The following DLG2 variants were observed in gnomAD, a reference collection of about 807,000 sequenced individuals.
DLG2 encodes the protein disks large homolog 2.
In DLG2, 45 loss-of-function variants were observed where a neutral mutation model predicts 132.5. The observed-to-expected ratio is 0.34, with a 90% CI of 0.27 to 0.44. The LOEUF is 0.44. Ranked by LOEUF, DLG2 falls within the 20% of genes least tolerant of loss-of-function variation. The probability of loss-of-function intolerance (pLI) is 1.00; values close to 1 mark genes in which losing one functional copy is unlikely to be tolerated. For missense variants in DLG2, 1,045 were observed against 1,196.9 expected, an observed-to-expected ratio of 0.87 and a Z score of 1.87; for synonymous variants, 424 against 419.6, an observed-to-expected ratio of 1.01 and a Z score of -0.13.
chr11:84,624,703 T>C (rs984312442), intron 6 of DLG2, among the ~76,000 whole-genome samples: 4 of 151,406 alleles, frequency 2.6e-5, no homozygotes, highest in Non-Finnish European at 4.4e-5. Flanking sequence ...CTTTTATTGG[T>C]CCTCAGCATT....
At chr11:83,837,998 C>G (rs373594015) in intron 16 of DLG2, among the ~76,000 whole-genome samples, 3 of 152,096 alleles carry the variant, frequency 2.0e-5, no homozygotes, top group East Asian at 3.9e-4. Flanking sequence ...AATAAACACA[C>G]GTATAGACAT....
intron 18 of DLG2, chr11:83,786,400 C>T (rs766727374): frequency 1.1e-4 from 34 of 315,232 alleles, no homozygotes; most frequent in South Asian, 1.8e-4. Flanking sequence ...CATTGGTGAC[C>T]GAAAGTGTGT....
intron 15 of DLG2, among the ~76,000 whole-genome samples, chr11:83,887,322 T>C (rs1037349302): frequency 2.0e-5 from 3 of 151,860 alleles, no homozygotes; most frequent in Non-Finnish European, 2.9e-5. Flanking sequence ...TACAAACACC[T>C]CTACGCAAAT....
At chr11:83,469,944 A>G (rs1012613053) in intron 24 of DLG2, among the ~76,000 whole-genome samples, 2 of 152,194 alleles carry the variant, frequency 1.3e-5, no homozygotes, top group Non-Finnish European at 2.9e-5. Context: ...AGATAGGACT[A>G]AAAATCAGCA....
intron 7 of DLG2, among the ~76,000 whole-genome samples, chr11:84,467,127 T>C (rs1215954731): frequency 6.6e-6 from 1 of 151,340 alleles, no homozygotes; most frequent in Non-Finnish European, 1.5e-5. Flanking sequence ...AGCTAGGACA[T>C]CTTGTGAAAT....
At chr11:84,612,035 T>A (rs1284186679) in intron 6 of DLG2, among the ~76,000 whole-genome samples, 2 of 152,196 alleles carry the variant, frequency 1.3e-5, no homozygotes, top group African/African-American at 4.8e-5. Flanking sequence ...ACCATTAGTT[T>A]AATCAAGATA....
At chr11:84,514,403 C>T (rs1293398996) in intron 7 of DLG2, among the ~76,000 whole-genome samples, 1 of 152,018 alleles carries the variant, frequency 6.6e-6, no homozygotes, top group African/African-American at 2.4e-5. Flanking sequence ...CATATTGTTG[C>T]AGCACTGTTT....
At chr11:84,313,056 C>G (rs931160291) in intron 7 of DLG2, among the ~76,000 whole-genome samples, 1 of 152,066 alleles carries the variant, frequency 6.6e-6, no homozygotes, top group African/African-American at 2.4e-5. Context: ...CTGATCCACC[C>G]GCCTCAGCTC....
At chr11:84,545,516 T>A (rs1311159444) in intron 6 of DLG2, 1 of 402,296 alleles carries the variant, frequency 2.5e-6, no homozygotes, top group Non-Finnish European at 4.8e-6. Context: ...TTTGGCTCAA[T>A]GAAGCACTAG....
chr11:83,723,242 T>A (rs1041255253), intron 18 of DLG2, among the ~76,000 whole-genome samples: 2 of 152,006 alleles, frequency 1.3e-5, no homozygotes, highest in Non-Finnish European at 2.9e-5. Context: ...TAGCTGGGCA[T>A]GGGGGCGGGC....
Position 84,098,344 on chromosome 11 carries a change from G to A in DLG2, c.749+579C>T, listed in dbSNP as rs115847573. 1.9e-3 allele frequency among the ~76,000 whole-genome samples: 284 copies of A among 152,176 alleles called. 2 individuals carry two copies. Among genetic ancestry groups the A allele is most frequent in the African/African-American group, 6.7e-3 (278 of 41,530 alleles). ...GTGAGCCACTGAGCCAGGCCATCCTGTGCTCTTCATCCAGATGAAGCTGCT... is the reference window on the plus strand; with the variant it reads ...GTGAGCCACTGAGCCAGGCCATCCTATGCTCTTCATCCAGATGAAGCTGCT... On this transcript the variant is annotated intron_variant, in intron 10 of 27. Transcript: ENST00000376104.
intron 3 of DLG2, among the ~76,000 whole-genome samples, chr11:85,470,631 G>C (rs118030265): frequency 0.018 from 2,757 of 152,274 alleles, 51 homozygotes; most frequent in Admixed American, 0.035. Flanking sequence ...CTGAGGCTGA[G>C]GCATGAGAAT....
At chr11:85,326,370 G>C (rs1488244310) in intron 3 of DLG2, among the ~76,000 whole-genome samples, 2 of 133,856 alleles carry the variant, frequency 1.5e-5, no homozygotes, top group Non-Finnish European at 3.2e-5. Flanking sequence ...GGCAGCCAGA[G>C]AGAAAGGTCG....
chr11:85,368,008 C>T (rs578059024), intron 3 of DLG2, among the ~76,000 whole-genome samples: 22 of 152,074 alleles, frequency 1.4e-4, no homozygotes, highest in Admixed American at 7.2e-4. Flanking sequence ...CACTATTTTC[C>T]TAAAATTAGA....
intron 3 of DLG2, among the ~76,000 whole-genome samples, chr11:85,360,164 G>C: frequency 6.6e-6 from 1 of 152,270 alleles, no homozygotes; most frequent in South Asian, 2.1e-4. Context: ...TAACACACTT[G>C]TCAGCGGTTT....
chr11:84,699,048 C>A (rs1263606912), intron 6 of DLG2, among the ~76,000 whole-genome samples: 1 of 151,442 alleles, frequency 6.6e-6, no homozygotes, highest in Non-Finnish European at 1.5e-5. Context: ...ACCCTCTGTG[C>A]CCCACTCTCG....
chr11:84,889,621 G>C (rs1363785963), intron 6 of DLG2, among the ~76,000 whole-genome samples: 1 of 152,144 alleles, frequency 6.6e-6, no homozygotes, highest in Non-Finnish European at 1.5e-5. Flanking sequence ...TATCTGCTAA[G>C]CCCTGTGCTA....
intron 4 of DLG2, among the ~76,000 whole-genome samples, chr11:85,258,746 C>G (rs1381894195): frequency 1.3e-5 from 2 of 152,044 alleles, no homozygotes; most frequent in Non-Finnish European, 2.9e-5. Flanking sequence ...CATAATAAAG[C>G]TGAGTTAACA....
chr11:83,849,248 G>A (rs1381914472), intron 16 of DLG2, among the ~76,000 whole-genome samples: 2 of 145,934 alleles, frequency 1.4e-5, no homozygotes, highest in Non-Finnish European at 3.0e-5. Context: ...GGATTAAATG[G>A]GATAATAAAT....
Sources: gnomAD v4.1 joint callset for allele counts (sites outside exome capture counted in the v4.1 genomes callset) on GRCh38, gnomAD v4.1.1 for gene constraint, MANE v1.5 for transcripts, NCBI Gene and HGNC (gene_info 2026-07-23, HGNC 2026-07-21) for gene names.